P4HA2: variants seen among roughly 807,000 people sequenced by gnomAD.
The protein encoded by P4HA2 is prolyl 4-hydroxylase subunit alpha-2.
In P4HA2, 46 loss-of-function variants were observed where a neutral mutation model predicts 76.9. The ratio of observed to expected loss-of-function variants is 0.60; its 90% CI spans 0.47 to 0.76. P4HA2 has a LOEUF of 0.76. Ranked by LOEUF, P4HA2 falls within the 30% of genes least tolerant of loss-of-function variation. The pLI, the probability that P4HA2 is intolerant of heterozygous loss-of-function variation, is 0.00. For synonymous variants in P4HA2, 243 were observed against 254.0 expected, an observed-to-expected ratio of 0.96 and a Z score of 0.41; for missense variants, 583 against 669.4, an observed-to-expected ratio of 0.87 and a Z score of 1.42.
At chr5:132,204,974 C>G (rs1752003098) in intron 8 of P4HA2, among the ~76,000 whole-genome samples, 2 of 152,264 alleles carry the variant, frequency 1.3e-5, no homozygotes, top group African/African-American at 4.8e-5. Context: ...TCCTCATGAC[C>G]TCACATGGGT....
intron 4 of P4HA2, among the ~76,000 whole-genome samples, chr5:132,216,965 T>C (rs10065782): frequency 0.099 from 14,988 of 151,574 alleles, 781 homozygotes; most frequent in East Asian, 0.19. Context: ...AGACAGACAC[T>C]AAAAAAAAGA....
chr5:132,223,578 T>C (rs1186265211), intron 1 of P4HA2, among the ~76,000 whole-genome samples: 1 of 152,206 alleles, frequency 6.6e-6, no homozygotes, highest in Non-Finnish European at 1.5e-5. Flanking sequence ...CACTTTTGTT[T>C]TCCCTCACCC....
intron 10 of P4HA2, chr5:132,201,395 T>A (rs1371207334): frequency 6.6e-6 from 1 of 152,238 alleles, no homozygotes; most frequent in Non-Finnish European, 1.5e-5. Context: ...CCAGCTCCTT[T>A]CCAGAGGCCT....
At chr5:132,218,684 G>T in intron 1 of P4HA2, 40 bp from the exon 2 acceptor site, 1 of 1,263,670 alleles carries the variant, frequency 7.9e-7, no homozygotes, top group Non-Finnish European at 1.2e-6. Context: ...TCAACAAAGT[G>T]AAAAAGACTA....
rs747293141 is a variant in P4HA2, at chr5:132,217,360, G to C, written c.180-12C>G. ...TTTTGTTGGCCCAGCTGTGGAACCAGAGGAAAAGGAAGACTAATGCGTCCA... is the reference window on the plus strand; with the variant it reads ...TTTTGTTGGCCCAGCTGTGGAACCACAGGAAAAGGAAGACTAATGCGTCCA... On this transcript the variant is annotated splice_polypyrimidine_tract_variant and intron_variant, in intron 3 of 14. Transcript: ENST00000360568. 14 of 1,613,958 alleles carry C rather than the reference G, an allele frequency of 8.7e-6. No homozygotes were observed. The South Asian group carries it at 1.3e-4, about 15-fold the overall frequency.
chr5:132,214,348 C>A (rs1413621060), intron 4 of P4HA2, among the ~76,000 whole-genome samples: 2 of 152,170 alleles, frequency 1.3e-5, no homozygotes, highest in Non-Finnish European at 2.9e-5. Context: ...GGCTCCAAAT[C>A]ATTCAGTCAG....
chr5:132,202,207 T>C (rs900972845), intron 10 of P4HA2: 1 of 152,028 alleles, frequency 6.6e-6, no homozygotes, highest in Non-Finnish European at 1.5e-5. Context: ...TAAGTTGAGC[T>C]GAACTGAAAA....
intron 1 of P4HA2, among the ~76,000 whole-genome samples, chr5:132,219,208 T>C (rs1754315895): frequency 6.6e-6 from 1 of 152,180 alleles, no homozygotes; most frequent in Non-Finnish European, 1.5e-5. Context: ...AAACTAACCC[T>C]TGTCAGTCTG....
chr5:132,217,359 A>G lies in P4HA2; in HGVS notation c.180-11T>C. On this transcript the variant is annotated splice_polypyrimidine_tract_variant and intron_variant, in intron 3 of 14. Transcript: ENST00000360568. Reference sequence around the variant, plus strand: ...ATTTTGTTGGCCCAGCTGTGGAACCAGAGGAAAAGGAAGACTAATGCGTCC... The same window carrying G: ...ATTTTGTTGGCCCAGCTGTGGAACCGGAGGAAAAGGAAGACTAATGCGTCC... 1 of 1,614,036 alleles carries G rather than the reference A, an allele frequency of 6.2e-7. No individual in the cohort carries two copies. The highest frequency in any genetic ancestry group is 8.5e-7 in the Non-Finnish European group (1 of 1,179,900).
At chr5:132,226,803 A>G (rs564329871) in intron 1 of P4HA2, 1 of 152,486 alleles carries the variant, frequency 6.6e-6, no homozygotes, top group African/African-American at 2.4e-5. Flanking sequence ...CAGGCACGTT[A>G]TCTCACTCCA....
chr5:132,207,196 C>T (rs1752322513), intron 8 of P4HA2, among the ~76,000 whole-genome samples: 1 of 152,096 alleles, frequency 6.6e-6, no homozygotes, highest in Non-Finnish European at 1.5e-5. Context: ...AACAAAGAAA[C>T]TACCAAGGAA....
chr5:132,204,859 C>A (rs1467507578), intron 8 of P4HA2, among the ~76,000 whole-genome samples: 1 of 152,264 alleles, frequency 6.6e-6, no homozygotes. Flanking sequence ...GCATCTACTT[C>A]ATCTCCCCCA....
chr5:132,200,029 C>T (rs1751258685), intron 10 of P4HA2: 1 of 152,168 alleles, frequency 6.6e-6, no homozygotes, highest in Non-Finnish European at 1.5e-5. Context: ...AGCAAGACCC[C>T]ATCTGTCTCT....
intron 12 of P4HA2, among the ~76,000 whole-genome samples, chr5:132,196,000 C>A (rs1380444452): frequency 6.6e-6 from 1 of 152,148 alleles, no homozygotes; most frequent in African/African-American, 2.4e-5. Context: ...AAGGGTGGGG[C>A]ACTGTGTCTC....
Position 132,216,604 on chromosome 5 carries a change from C to A in P4HA2, c.331+593G>T, listed in dbSNP as rs112652897. ...TGAGAAATTCACAGAATTTTTTCTT[C>A]TGTCACAAATCTACCAACAGATATG... On this transcript the variant is annotated intron_variant, in intron 4 of 14. Coordinates refer to ENST00000360568, the MANE Select transcript of P4HA2 (RefSeq NM_001017974.2). Among the ~76,000 whole-genome samples the A allele has an allele frequency of 2.7e-3, 412 of 152,266 alleles. 3 individuals are homozygous for A. Among genetic ancestry groups the A allele is most frequent in the African/African-American group, 9.1e-3 (379 of 41,562 alleles).
intron 4 of P4HA2, among the ~76,000 whole-genome samples, chr5:132,215,477 G>C (rs1005743080): frequency 2.0e-5 from 3 of 152,190 alleles, no homozygotes; most frequent in Admixed American, 2.0e-4. Flanking sequence ...GCGGAGAGGC[G>C]GGAGTCTGGG....
At chr5:132,212,716 G>A (rs1400624547) in intron 5 of P4HA2, among the ~76,000 whole-genome samples, 1 of 152,208 alleles carries the variant, frequency 6.6e-6, no homozygotes, top group Admixed American at 6.5e-5. Flanking sequence ...CTCACCTGGG[G>A]AAGGTGCTCA....
chr5:132,221,235 A>G (rs1339836718), intron 1 of P4HA2, among the ~76,000 whole-genome samples: 1 of 152,112 alleles, frequency 6.6e-6, no homozygotes, highest in East Asian at 1.9e-4. Context: ...CCTCCCAGAA[A>G]CCCTCAGAAT....
Position 132,209,260 on chromosome 5 carries a change from T to C in P4HA2, c.781A>G (p.Thr261Ala). Residue 261 changes from threonine to alanine, a missense_variant, in exon 7 of 15, where the codon ACG becomes GCG. Coordinates refer to ENST00000360568, the MANE Select transcript of P4HA2 (RefSeq NM_001017974.2). ...TCAGCTTCTGTCTGATTTGTTAACG[T>C]TTTTTCTCTCTCTTCCTCCAATAAC... The part of the protein sequence containing the change: ...EQLLEEEREK[T>A]LTNQTEAELA... 10 of 1,613,994 alleles carry C rather than the reference T, an allele frequency of 6.2e-6. No individual in the cohort carries two copies. Among genetic ancestry groups the C allele is most frequent in the Non-Finnish European group, 8.5e-6 (10 of 1,179,942 alleles).
Sources: gnomAD v4.1 joint callset for allele counts (sites outside exome capture counted in the v4.1 genomes callset) on GRCh38, gnomAD v4.1.1 for gene constraint, MANE v1.5 for transcripts, NCBI Gene and HGNC (gene_info 2026-07-23, HGNC 2026-07-21) for gene names.